The following RBMS1 variants were observed in gnomAD, a reference collection of about 807,000 sequenced individuals.
The protein encoded by RBMS1 is RNA binding motif single stranded interacting protein 1.
Under a neutral mutation model 62.3 loss-of-function variants are expected in RBMS1, and 17 were observed. The ratio of observed to expected loss-of-function variants is 0.27; its 90% confidence interval spans 0.19 to 0.41. The LOEUF (loss-of-function observed/expected upper bound fraction) is 0.41. RBMS1 is among the 10% of genes least tolerant of loss of function. RBMS1 has a pLI of 1.00. For missense variants in RBMS1, 334 were observed against 504.5 expected (o/e 0.66, Z 3.24); for synonymous variants, 172 against 170.0 (o/e 1.01, Z -0.09).
intron 1 of RBMS1, among the ~76,000 whole-genome samples, chr2:160,484,469 T>C (rs1234205330): frequency 2.0e-5 from 3 of 151,304 alleles, no homozygotes; most frequent in African/African-American, 7.3e-5. Flanking sequence ...CACTCCAGCC[T>C]GGGCGACAGA....
chr2:160,373,012 T>C (rs1411331139), intron 1 of RBMS1, among the ~76,000 whole-genome samples: 1 of 152,176 alleles, frequency 6.6e-6, no homozygotes, highest in Non-Finnish European at 1.5e-5. Context: ...TATCAAAGCT[T>C]AAAATCACAT....
At chr2:160,455,460 T>C (rs1016393317) in intron 1 of RBMS1, among the ~76,000 whole-genome samples, 1 of 152,192 alleles carries the variant, frequency 6.6e-6, no homozygotes. Context: ...ATAAATATAA[T>C]TGCAGACTGA....
intron 1 of RBMS1, among the ~76,000 whole-genome samples, chr2:160,421,375 C>T (rs975885164): frequency 3.3e-5 from 5 of 151,892 alleles, no homozygotes; most frequent in East Asian, 3.9e-4. Flanking sequence ...TCAATTCCCA[C>T]CTATGAGTGA....
chr2:160,347,132 CTT>C (rs1692230176), intron 2 of RBMS1, among the ~76,000 whole-genome samples: 2 of 152,078 alleles, frequency 1.3e-5, no homozygotes, highest in Non-Finnish European at 2.9e-5. Context: ...AAAAAATCCA[CTT>C]TGAGTATTAA....
chr2:160,326,207 T>C (rs1241841261), intron 2 of RBMS1, among the ~76,000 whole-genome samples: 2 of 152,038 alleles, frequency 1.3e-5, no homozygotes, highest in Non-Finnish European at 1.5e-5. Flanking sequence ...AAAGGAGAGA[T>C]CAAACCAAGA....
At position 160,287,001 on chromosome 2, in the gene RBMS1, T is replaced by C; in HGVS notation, c.724A>G (p.Arg242Gly). 6.2e-7 allele frequency: 1 copy of C among 1,613,206 alleles called. No homozygotes were observed. The highest frequency in any genetic ancestry group is 8.5e-7 in the Non-Finnish European group (1 of 1,179,916). The change falls in exon 7 of 14, where the codon AGA (arginine) becomes GGA (glycine). Residue 242 changes from arginine (R) to glycine (G), a missense_variant. Physicochemically the swap from Arg to Gly is moderately radical, Grantham distance 125 (BLOSUM62 -2). This residue lies in a region of RBMS1 where 182 missense variants were observed against 257.7 expected (regional missense o/e 0.71). Coordinates refer to ENST00000348849, the MANE Select transcript of RBMS1 (RefSeq NM_016836.4). ...ACCTCTCCTTCTCTATGCCATGGTC[T>C]TCCATTAGGGATGTATTTGTTTGGG... ...QNPNKYIPNGRPWHREGEVRL... is the reference protein window; with the variant it reads ...QNPNKYIPNGGPWHREGEVRL...
intron 1 of RBMS1, among the ~76,000 whole-genome samples, chr2:160,396,716 C>G (rs922490556): frequency 4.6e-5 from 7 of 152,168 alleles, no homozygotes; most frequent in Admixed American, 4.6e-4. Context: ...AGGCAGGCGC[C>G]ACCAAGCCCG....
At chr2:160,312,436 T>C (rs979774674) in intron 4 of RBMS1, among the ~76,000 whole-genome samples, 3 of 152,170 alleles carry the variant, frequency 2.0e-5, no homozygotes, top group Non-Finnish European at 2.9e-5. Context: ...CTAAAATATA[T>C]ATTAAGCATG....
At chr2:160,443,994 C>T (rs115309821) in intron 1 of RBMS1, among the ~76,000 whole-genome samples, 61 of 152,224 alleles carry the variant, frequency 4.0e-4, no homozygotes, top group African/African-American at 1.4e-3. Flanking sequence ...CAGATACTAA[C>T]TCAATGGGGA....
chr2:160,470,734 C>T (rs1684881511), intron 1 of RBMS1, among the ~76,000 whole-genome samples: 1 of 152,096 alleles, frequency 6.6e-6, no homozygotes, highest in Non-Finnish European at 1.5e-5. Flanking sequence ...TTTCCTGTAT[C>T]AGACTGTACT....
intron 1 of RBMS1, among the ~76,000 whole-genome samples, chr2:160,384,102 C>T (rs1694440849): frequency 6.6e-6 from 1 of 152,194 alleles, no homozygotes; most frequent in Non-Finnish European, 1.5e-5. Context: ...GAGGCTGAGG[C>T]AGGAGAATGG....
At position 160,438,883 on chromosome 2, in the gene RBMS1, G is replaced by A. The variant is rs542093214; in HGVS notation, c.75+54406C>T. 6.3e-3 allele frequency among the ~76,000 whole-genome samples: 950 copies of A among 151,584 alleles called. 9 individuals carry two copies. The highest frequency in any genetic ancestry group is 0.022 in the African/African-American group (899 of 41,276). On this transcript the variant is annotated intron_variant, in intron 1 of 13. Coordinates refer to ENST00000348849, the MANE Select transcript of RBMS1 (RefSeq NM_016836.4). ...TCCCGGACAGGGCGGCTGGCCGGAC[G>A]GGGGGCTGACTCCCCCCACCTCCCT...
intron 6 of RBMS1, among the ~76,000 whole-genome samples, chr2:160,297,258 T>G (rs1688985855): frequency 1.3e-5 from 2 of 152,122 alleles, no homozygotes; most frequent in Admixed American, 6.6e-5. Flanking sequence ...TTTTAACAAT[T>G]TCATTACCTC....
intron 1 of RBMS1, among the ~76,000 whole-genome samples, chr2:160,373,886 G>A (rs1367228214): frequency 6.6e-6 from 1 of 152,172 alleles, no homozygotes; most frequent in African/African-American, 2.4e-5. Context: ...GGGAAGATCA[G>A]GGAGGAGGGA....
intron 6 of RBMS1, among the ~76,000 whole-genome samples, chr2:160,299,384 T>C (rs1297499754): frequency 1.3e-5 from 2 of 152,244 alleles, no homozygotes; most frequent in African/African-American, 4.8e-5. Context: ...AAAAAATGTC[T>C]ATTGTAGTTA....
chr2:160,465,211 G>C lies in RBMS1; in HGVS notation c.75+28078C>G, dbSNP rs1410752260. Reference sequence around the variant, plus strand: ...TGTGATGTGGTGTAACTTGTATTTGGCATAGTCATTATGATTGTACTTCCA... The same window carrying C: ...TGTGATGTGGTGTAACTTGTATTTGCCATAGTCATTATGATTGTACTTCCA... On this transcript the variant is annotated intron_variant, in intron 1 of 13. Coordinates refer to ENST00000348849, the MANE Select transcript of RBMS1 (RefSeq NM_016836.4). Among the ~76,000 whole-genome samples the C allele has an allele frequency of 2.0e-5, 3 of 152,124 alleles. No homozygotes were observed. The East Asian group carries it at 5.8e-4, about 29-fold the overall frequency.
chr2:160,310,853 T>C (rs775807769), intron 4 of RBMS1, among the ~76,000 whole-genome samples: 2 of 152,108 alleles, frequency 1.3e-5, no homozygotes, highest in South Asian at 2.1e-4. Flanking sequence ...CTTTCAATAA[T>C]GTCACAGAGA....
At position 160,376,996 on chromosome 2, in the gene RBMS1, G is replaced by A. The variant is rs553696917; in HGVS notation, c.76-9605C>T. On this transcript the variant is annotated intron_variant, in intron 1 of 13. Transcript: ENST00000348849. ...CTGTGTATTTCTGTGTCATGTTTGCGTGTGTGAACAGTCATGTTTGTGTGT... is the reference window on the plus strand; with the variant it reads ...CTGTGTATTTCTGTGTCATGTTTGCATGTGTGAACAGTCATGTTTGTGTGT... Among the ~76,000 whole-genome samples, 21 of 152,068 alleles carry A rather than the reference G, an allele frequency of 1.4e-4. No individual in the cohort carries two copies. In the East Asian group the frequency reaches 1.9e-3, roughly 14 times the overall value.
At chr2:160,346,648 C>T (rs1692192714) in intron 2 of RBMS1, among the ~76,000 whole-genome samples, 1 of 152,116 alleles carries the variant, frequency 6.6e-6, no homozygotes, top group African/African-American at 2.4e-5. Context: ...ATAGGTGCTA[C>T]ATATTAATTC....
Sources: gnomAD v4.1 joint callset for allele counts (sites outside exome capture counted in the v4.1 genomes callset) on GRCh38, gnomAD v4.1.1 for gene constraint, gnomAD v4.1.1 regional missense constraint, MANE v1.5 for transcripts, NCBI Gene and HGNC (gene_info 2026-07-23, HGNC 2026-07-21) for gene names.